Variants in TRIML2 observed in about 807,000 individuals in gnomAD.
TRIML2 encodes the protein tripartite motif family like 2, also known as probable E3 ubiquitin-protein ligase TRIML2.
Under a neutral mutation model 31.2 loss-of-function variants are expected in TRIML2, and 28 were observed. That is an observed-to-expected ratio of 0.90 (90% CI 0.66 to 1.23). The LOEUF is 1.23. Among genes scored for constraint, TRIML2 ranks in the 50% most tolerant of loss-of-function variants. TRIML2 has a pLI of 0.00. For missense variants in TRIML2, 536 were observed against 528.3 expected, an observed-to-expected ratio of 1.01 and a Z score of -0.14; for synonymous variants, 187 against 197.5, an observed-to-expected ratio of 0.95 and a Z score of 0.45.
In TRIML2 at chr4:188,109,383, T is replaced by A. The variant is rs889135036; in HGVS notation, c.-363A>T. ...CCTCGAGCTCCCAGGCTCAAGTGAT[T>A]CTCCCACCTTGACCTCCTGAGTAGC... On this transcript the variant is annotated 5_prime_UTR_variant, in exon 1 of 8. Coordinates refer to ENST00000682553, the MANE Select transcript of TRIML2 (RefSeq NM_173553.4). 1 of 148,670 alleles carries A rather than the reference T, an allele frequency of 6.7e-6. No homozygotes were observed. Among genetic ancestry groups the A allele is most frequent in the African/African-American group, 2.5e-5 (1 of 40,476 alleles). 9.2% of individuals were successfully genotyped at this position (148,670 alleles called of 1,614,324 possible). A position where few individuals can be genotyped will look rare whatever the true frequency, so the allele number is the denominator to read the frequency against.
rs141991055 is a variant in TRIML2 at position 188,091,656 on chromosome 4, G to A, written c.1031C>T (p.Ser344Leu). 89 of 1,613,642 alleles carry A rather than the reference G, an allele frequency of 5.5e-5. No homozygotes were observed. Among genetic ancestry groups the A allele is most frequent in the African/African-American group, 2.5e-4 (19 of 75,028 alleles). Residue 344 changes from serine (S) to leucine (L), a missense_variant, in exon 8 of 8, where the codon TCG becomes TTG. By Grantham distance (145) the Ser-to-Leu change is moderately radical. Coordinates refer to ENST00000682553, the MANE Select transcript of TRIML2 (RefSeq NM_173553.4). ...GAGAGTCCACTCGGTCCCCATCACC[G>A]ACCCCGTGAGCAAGACTTTCTCTCC... ...ASGEKVLLTGSVMGTEWTLWV... is the reference protein window; with the variant it reads ...ASGEKVLLTGLVMGTEWTLWV...
In TRIML2 at chr4:188,092,561, C is replaced by T. The variant is rs1035596223; in HGVS notation, c.746-620G>A. 1.7e-4 allele frequency among the ~76,000 whole-genome samples: 26 copies of T among 152,258 alleles called. 1 individual carries two copies. The highest frequency in any genetic ancestry group is 5.5e-4 in the African/African-American group (23 of 41,542). On this transcript the variant is annotated intron_variant, in intron 7 of 7. Coordinates refer to ENST00000682553, the MANE Select transcript of TRIML2 (RefSeq NM_173553.4). ...GTTCCATCCAGATATCACTTGGGGC[C>T]CAACCCTGGTCTTCTAGATCTCCAA...
rs146370301 is a variant in TRIML2 at position 188,098,254 on chromosome 4, G to A, written c.621+781C>T. 3 of 455,576 alleles carry A rather than the reference G, an allele frequency of 6.6e-6. No homozygotes were observed. The East Asian group carries it at 2.1e-4, about 32-fold the overall frequency. 28.2% of individuals were successfully genotyped at this position (455,576 alleles called of 1,614,324 possible). On this transcript the variant is annotated intron_variant, in intron 5 of 7. Coordinates refer to ENST00000682553, the MANE Select transcript of TRIML2 (RefSeq NM_173553.4). ...GCAGAAATTCATTTCTCGCAGTTCTGGAGGCCGAATTTCAAGATCAAGGCA... is the reference window on the plus strand; with the variant it reads ...GCAGAAATTCATTTCTCGCAGTTCTAGAGGCCGAATTTCAAGATCAAGGCA...
At chr4:188,101,765 A>C (rs1054048653) in intron 3 of TRIML2, among the ~76,000 whole-genome samples, 5 of 152,112 alleles carry the variant, frequency 3.3e-5, no homozygotes, top group African/African-American at 1.2e-4. Context: ...CAAAGGAGAA[A>C]TAGAATTTGA....
intron 3 of TRIML2, among the ~76,000 whole-genome samples, chr4:188,103,385 T>A (rs2111184847): frequency 6.6e-6 from 1 of 152,306 alleles, no homozygotes; most frequent in East Asian, 1.9e-4. Context: ...AGCCTTCTGT[T>A]CGAAACCTTC....
At chr4:188,106,089 A>G (rs7670061) in intron 1 of TRIML2, 54,667 of 150,860 alleles carry the variant, frequency 0.36, 10,624 homozygotes, top group East Asian at 0.8. Flanking sequence ...TCGCTCTGTC[A>G]CCCAGGCTGG....
At chr4:188,092,834 G>T (rs145075589) in intron 7 of TRIML2, 273 of 456,188 alleles carry the variant, frequency 6.0e-4, no homozygotes, top group African/African-American at 4.8e-3. Flanking sequence ...GCATGAATAC[G>T]TCTTCTTCCT....
intron 4 of TRIML2, among the ~76,000 whole-genome samples, chr4:188,100,591 G>A (rs571740710): frequency 3.3e-5 from 5 of 152,136 alleles, no homozygotes; most frequent in South Asian, 2.1e-4. Context: ...GCGTAGTGGC[G>A]GGCACCTGTA....
chr4:188,105,148 A>C, intron 2 of TRIML2, 32 bp downstream of exon 2: 1 of 1,587,198 alleles, frequency 6.3e-7, no homozygotes, highest in Non-Finnish European at 8.6e-7. Flanking sequence ...AGTTGGCCAG[A>C]GTGTTTTGGG....
In TRIML2 at chr4:188,099,021, T is replaced by C. The variant is rs750035936; in HGVS notation, c.621+14A>G. The stretch of plus-strand genomic sequence containing the variant: ...ACTGGAATGAATTTTATTTTCTTTT[T>C]CCCAGCATCTTACCTTGAGCAATGC... On this transcript the variant is annotated intron_variant, in intron 5 of 7. Coordinates refer to ENST00000682553, the MANE Select transcript of TRIML2 (RefSeq NM_173553.4). 14 of 1,613,780 alleles carry C rather than the reference T, an allele frequency of 8.7e-6. No individual in the cohort carries two copies. In the South Asian group the frequency reaches 1.4e-4, roughly 16 times the overall value.
In TRIML2 at chr4:188,091,582, T is replaced by A. The variant is rs772167019; in HGVS notation, c.1105A>T (p.Thr369Ser). 1.2e-6 allele frequency: 2 copies of A among 1,614,006 alleles called. No homozygotes were observed. The highest frequency in any genetic ancestry group is 1.7e-6 in the Non-Finnish European group (2 of 1,180,022). The change falls in exon 8 of 8, where the codon ACA (threonine) becomes TCA (serine). Residue 369 changes from threonine to serine, a missense_variant. Thr to Ser is a moderately conservative substitution (Grantham distance 58, BLOSUM62 1). Transcript: ENST00000682553. ...KRLFLEKKLD[T>S]VGVFLDCEHG... ...TCGCAGTCAAGGAAAACGCCAACTG[T>A]GTCCAACTTCTTTTCCAGGAAGAGC...
intron 3 of TRIML2, among the ~76,000 whole-genome samples, 194 bp downstream of exon 3, chr4:188,104,643 G>A (rs1036025081): frequency 1.3e-5 from 2 of 152,126 alleles, no homozygotes; most frequent in Admixed American, 6.5e-5. Context: ...GATTACAGGC[G>A]TGAGCCACCA....
Position 188,097,456 on chromosome 4 carries a change from T to C in TRIML2, c.622-110A>G, listed in dbSNP as rs1733570286. ...TGAACTCAATTTCCATGTCATTTCT[T>C]CAACCTCATAATGCTAGTTATCAGA... is the stretch of plus-strand genomic sequence containing the variant. On this transcript the variant is annotated intron_variant, in intron 5 of 7. Coordinates refer to ENST00000682553, the MANE Select transcript of TRIML2 (RefSeq NM_173553.4). 3.9e-6 allele frequency: 4 copies of C among 1,017,872 alleles called. No homozygotes were observed. In the African/African-American group the frequency reaches 4.8e-5, roughly 12 times the overall value. The allele number at this position is 1,017,872 out of a possible 1,614,324, so 63.1% of individuals were successfully genotyped here.
At chr4:188,100,212 G>T (rs1037018075) in intron 4 of TRIML2, among the ~76,000 whole-genome samples, 1 of 152,104 alleles carries the variant, frequency 6.6e-6, no homozygotes, top group Admixed American at 6.6e-5. Flanking sequence ...TGTAACATCT[G>T]CTACTCATCA....
chr4:188,109,137 T>A (rs1734144299), intron 1 of TRIML2, 106 bp downstream of exon 1: 1 of 125,570 alleles, frequency 8.0e-6, no homozygotes, highest in Non-Finnish European at 1.9e-5. Context: ...GGCTTTTTCC[T>A]GATAACACAC....
chr4:188,105,428 C>T lies in TRIML2; in HGVS notation c.-60G>A, dbSNP rs1281149426. The T allele has an allele frequency of 2.0e-5, 25 of 1,280,894 alleles. No homozygotes were observed. The Middle Eastern group carries it at 8.6e-4, about 44-fold the overall frequency. The allele number at this position is 1,280,894 out of a possible 1,614,324, so 79.3% of individuals were successfully genotyped here. ...ATGCTTCTACTGAGGTATCTCCCTGCACTGTGAATGAGAAAAAATGGTGGC... is the reference window on the plus strand; with the variant it reads ...ATGCTTCTACTGAGGTATCTCCCTGTACTGTGAATGAGAAAAAATGGTGGC... On this transcript the variant is annotated 5_prime_UTR_variant, in exon 2 of 8. Transcript: ENST00000682553.
intron 5 of TRIML2, among the ~76,000 whole-genome samples, chr4:188,097,629 C>T (rs1365216181): frequency 6.6e-6 from 1 of 152,172 alleles, no homozygotes; most frequent in African/African-American, 2.4e-5. Context: ...GAGCATCTAT[C>T]TGCTTTCCAT....
At chr4:188,101,994 G>A (rs377651471) in intron 3 of TRIML2, among the ~76,000 whole-genome samples, 6 of 151,690 alleles carry the variant, frequency 4.0e-5, no homozygotes, top group Admixed American at 1.3e-4. Flanking sequence ...GCCGGGCTTG[G>A]TGGCGGGCGC....
In TRIML2 at chr4:188,091,345, C is replaced by T. The variant is rs778762752; in HGVS notation, c.*28G>A. The T allele has an allele frequency of 2.0e-5, 31 of 1,585,404 alleles. No individual in the cohort carries two copies. Among genetic ancestry groups the T allele is most frequent in the Non-Finnish European group, 2.4e-5 (28 of 1,161,902 alleles). On this transcript the variant is annotated 3_prime_UTR_variant, in exon 8 of 8. Coordinates refer to ENST00000682553, the MANE Select transcript of TRIML2 (RefSeq NM_173553.4). ...CTTGTTCTCCAACTTTCTGGTGTCTCGTGGTCTTGGATTTTACACACAGAA... is the reference window on the plus strand; with the variant it reads ...CTTGTTCTCCAACTTTCTGGTGTCTTGTGGTCTTGGATTTTACACACAGAA...
Sources: gnomAD v4.1 joint callset for allele counts (sites outside exome capture counted in the v4.1 genomes callset) on GRCh38, gnomAD v4.1.1 for gene constraint, MANE v1.5 for transcripts, NCBI Gene and HGNC (gene_info 2026-07-23, HGNC 2026-07-21) for gene names.